Variants in GRIA4 observed in about 807,000 individuals in gnomAD.
GRIA4 encodes the protein glutamate receptor 4.
In GRIA4, 34 loss-of-function variants were observed where a neutral mutation model predicts 104.0. The observed-to-expected ratio is 0.33, with a 90% CI of 0.25 to 0.44. The LOEUF is 0.44. Ranked by LOEUF, GRIA4 falls within the 20% of genes least tolerant of loss-of-function variation. The pLI, the probability that GRIA4 is intolerant of heterozygous loss-of-function variation, is 1.00. For missense variants in GRIA4, 750 were observed against 1,096.5 expected (o/e 0.68, Z 4.46); for synonymous variants, 386 against 381.9 (o/e 1.01, Z -0.13).
Position 105,778,244 on chromosome 11 carries a change from C to T in GRIA4, c.487+25024C>T, listed in dbSNP as rs144722181. Among the ~76,000 whole-genome samples the T allele has an allele frequency of 8.0e-3, 1,211 of 152,298 alleles. 18 individuals are homozygous for T. Among genetic ancestry groups the T allele is most frequent in the African/African-American group, 0.028 (1,164 of 41,572 alleles). On this transcript the variant is annotated intron_variant, in intron 4 of 16. Transcript: ENST00000282499. ...TTTCACCTATGCTTTTAAAGTCCTT[C>T]TAGCTTTTGTGACCTAGTATTATTT...
chr11:105,650,126 A>G (rs981226022), intron 3 of GRIA4, among the ~76,000 whole-genome samples: 2 of 152,218 alleles, frequency 1.3e-5, no homozygotes, highest in African/African-American at 4.8e-5. Flanking sequence ...GTGTTGAGGG[A>G]ATAATTAAAT....
At chr11:105,727,108 T>A (rs527393720) in intron 3 of GRIA4, among the ~76,000 whole-genome samples, 30 of 152,096 alleles carry the variant, frequency 2.0e-4, no homozygotes, top group African/African-American at 7.0e-4. Context: ...GAGCATGTTA[T>A]AACCCAATGG....
intron 14 of GRIA4, among the ~76,000 whole-genome samples, chr11:105,936,936 C>G (rs183601193): frequency 6.6e-6 from 1 of 152,276 alleles, no homozygotes; most frequent in Non-Finnish European, 1.5e-5. Flanking sequence ...CTATCACTTA[C>G]TAATAACAAT....
intron 4 of GRIA4, among the ~76,000 whole-genome samples, chr11:105,783,130 T>A (rs1340974224): frequency 6.6e-6 from 1 of 152,220 alleles, no homozygotes; most frequent in Non-Finnish European, 1.5e-5. Context: ...TGTGCTACCC[T>A]GGAAGAAAAT....
intron 3 of GRIA4, among the ~76,000 whole-genome samples, chr11:105,664,031 C>T (rs759400597): frequency 5.3e-5 from 8 of 149,654 alleles, no homozygotes; most frequent in Non-Finnish European, 1.2e-4. Flanking sequence ...GAAGGAAAAG[C>T]TATATGTATC....
At chr11:105,897,998 A>T (rs565200533) in intron 6 of GRIA4, among the ~76,000 whole-genome samples, 5 of 152,178 alleles carry the variant, frequency 3.3e-5, no homozygotes, top group Non-Finnish European at 7.4e-5. Flanking sequence ...TATACTTCAT[A>T]AAAGGCAATC....
intron 3 of GRIA4, 136 bp from the exon 4 acceptor site, chr11:105,752,845 A>G (rs1940083841): frequency 1.3e-6 from 1 of 778,204 alleles, no homozygotes; most frequent in East Asian, 2.5e-5. Flanking sequence ...CACTTCACTT[A>G]TACTCTTTAT....
intron 4 of GRIA4, among the ~76,000 whole-genome samples, chr11:105,758,741 T>C (rs1289741254): frequency 4.6e-5 from 7 of 152,202 alleles, no homozygotes; most frequent in Non-Finnish European, 7.3e-5. Flanking sequence ...TTCATCATGT[T>C]ATAACAGGTA....
At position 105,753,122 on chromosome 11, in the gene GRIA4, T is replaced by G; in HGVS notation, c.389T>G (p.Phe130Cys). ...PSFPTEGESQ[F>C]VLQLRPSLRG... ...TTCCCTACTGAGGGGGAGAGCCAGTTTGTGCTGCAACTAAGACCTTCGTTA... is the reference window on the plus strand; with the variant it reads ...TTCCCTACTGAGGGGGAGAGCCAGTGTGTGCTGCAACTAAGACCTTCGTTA... The change falls in exon 4 of 17, where the codon TTT (phenylalanine) becomes TGT (cysteine). Residue 130 changes from phenylalanine to cysteine, a missense_variant. Around this residue, in one of 3 missense-constraint regions of GRIA4, gnomAD observed 410 missense variants for 502.7 expected, o/e 0.82. Coordinates refer to ENST00000282499, the MANE Select transcript of GRIA4 (RefSeq NM_000829.4). The G allele has an allele frequency of 1.2e-6, 2 of 1,613,860 alleles. No individual in the cohort carries two copies. The highest frequency in any genetic ancestry group is 1.7e-6 in the Non-Finnish European group (2 of 1,179,874).
intron 6 of GRIA4, among the ~76,000 whole-genome samples, chr11:105,895,312 A>G (rs1946614418): frequency 1.3e-5 from 2 of 150,476 alleles, no homozygotes; most frequent in Non-Finnish European, 3.0e-5. Flanking sequence ...GCTAATACCT[A>G]TGGCTTTATT....
chr11:105,718,238 G>C (rs1954168353), intron 3 of GRIA4, among the ~76,000 whole-genome samples: 1 of 152,158 alleles, frequency 6.6e-6, no homozygotes, highest in Non-Finnish European at 1.5e-5. Context: ...CAAGTATATA[G>C]ACTACATGTG....
intron 3 of GRIA4, among the ~76,000 whole-genome samples, chr11:105,678,601 T>C (rs1257208071): frequency 6.6e-6 from 1 of 152,086 alleles, no homozygotes; most frequent in Non-Finnish European, 1.5e-5. Flanking sequence ...CATGAATAGG[T>C]TCTATGTCTA....
chr11:105,742,969 TCATGTGATCCACC>T (rs1939408874), intron 3 of GRIA4, among the ~76,000 whole-genome samples: 1 of 152,128 alleles, frequency 6.6e-6, no homozygotes, highest in Non-Finnish European at 1.5e-5. Flanking sequence ...ACTCCTGGCC[TCATGTGATCCACC>T]CATCTCAGCC....
intron 3 of GRIA4, among the ~76,000 whole-genome samples, chr11:105,699,679 A>G (rs1166205675): frequency 6.6e-6 from 1 of 151,936 alleles, no homozygotes; most frequent in Admixed American, 6.6e-5. Context: ...TTCTACACTT[A>G]TTTCCTCTGC....
At chr11:105,782,581 G>A (rs1941776146) in intron 4 of GRIA4, among the ~76,000 whole-genome samples, 1 of 152,250 alleles carries the variant, frequency 6.6e-6, no homozygotes, top group Non-Finnish European at 1.5e-5. Flanking sequence ...TAGGCTCCAC[G>A]GAATGCTGGA....
At chr11:105,683,008 A>G (rs1232690755) in intron 3 of GRIA4, among the ~76,000 whole-genome samples, 2 of 152,212 alleles carry the variant, frequency 1.3e-5, no homozygotes, top group Admixed American at 1.3e-4. Flanking sequence ...TAATATTAAT[A>G]GTACCTCTAA....
intron 4 of GRIA4, among the ~76,000 whole-genome samples, chr11:105,781,791 A>G (rs1445766278): frequency 6.6e-6 from 1 of 152,200 alleles, no homozygotes; most frequent in Non-Finnish European, 1.5e-5. Flanking sequence ...AATTATACCC[A>G]GATGGCCTAG....
intron 14 of GRIA4, among the ~76,000 whole-genome samples, chr11:105,950,480 C>G (rs1232592250): frequency 6.6e-6 from 1 of 152,034 alleles, no homozygotes; most frequent in Non-Finnish European, 1.5e-5. Context: ...CTATATGGTA[C>G]TGTTCTTGGG....
intron 3 of GRIA4, among the ~76,000 whole-genome samples, chr11:105,680,760 A>G (rs1390520755): frequency 2.6e-5 from 4 of 152,124 alleles, no homozygotes; most frequent in Non-Finnish European, 5.9e-5. Flanking sequence ...TCTGGCAGGA[A>G]GTATTGTTTC....
Sources: allele counts gnomAD v4.1 joint callset (sites outside exome capture counted in the v4.1 genomes callset), GRCh38; gene constraint gnomAD v4.1.1; regional missense constraint gnomAD v4.1.1; transcripts MANE v1.5; gene names NCBI Gene and HGNC (gene_info 2026-07-23, HGNC 2026-07-21).